The following EFCAB5 variants were observed in gnomAD, a reference collection of about 807,000 sequenced individuals.
EFCAB5 encodes EF-hand calcium binding domain 5, also known as EF-hand calcium-binding domain-containing protein 5.
In EFCAB5, 131 loss-of-function variants were observed where a neutral mutation model predicts 167.9. The observed-to-expected ratio is 0.78, with a 90% confidence interval of 0.68 to 0.90. EFCAB5 has a LOEUF of 0.90. EFCAB5 is among the 40% of genes least tolerant of loss of function. The pLI is 0.00. For synonymous variants in EFCAB5, 574 were observed against 602.8 expected (o/e 0.95, Z 0.70); for missense variants, 1,663 against 1,745.2 (o/e 0.95, Z 0.84).
chr17:30,030,704 C>T (rs2069458514), intron 7 of EFCAB5, among the ~76,000 whole-genome samples: 1 of 151,738 alleles, frequency 6.6e-6, no homozygotes, highest in South Asian at 2.1e-4. Context: ...GCTCTGTTGC[C>T]TGGGCTGGAG....
chr17:29,958,070 A>G (rs900978417), intron 3 of EFCAB5, among the ~76,000 whole-genome samples: 7 of 152,154 alleles, frequency 4.6e-5, no homozygotes, highest in African/African-American at 1.7e-4. Flanking sequence ...GTTTGCTAGT[A>G]TTTTGTGGAG....
At chr17:30,014,329 C>T (rs1029812745) in intron 7 of EFCAB5, among the ~76,000 whole-genome samples, 1 of 152,158 alleles carries the variant, frequency 6.6e-6, no homozygotes, top group Non-Finnish European at 1.5e-5. Context: ...CTGCTTAGTG[C>T]AGAGCTGAGT....
At chr17:30,041,383 T>C (rs1597714155) in intron 8 of EFCAB5, among the ~76,000 whole-genome samples, 1 of 152,316 alleles carries the variant, frequency 6.6e-6, no homozygotes, top group East Asian at 1.9e-4. Flanking sequence ...GCTGCAGATA[T>C]AGTGGAAATA....
intron 7 of EFCAB5, among the ~76,000 whole-genome samples, chr17:30,001,850 T>C (rs1222178074): frequency 1.3e-5 from 2 of 152,196 alleles, no homozygotes; most frequent in African/African-American, 2.4e-5. Flanking sequence ...ACATGCACTT[T>C]CTTGTGTAAT....
upstream of EFCAB5, among the ~76,000 whole-genome samples, chr17:29,936,778 C>T (rs751887127): frequency 1.8e-4 from 28 of 152,172 alleles, no homozygotes; most frequent in Non-Finnish European, 2.9e-4. Context: ...TCCTGCTCCT[C>T]GGATACAATC....
At chr17:29,964,135 A>G (rs1294699368) in intron 3 of EFCAB5, among the ~76,000 whole-genome samples, 1 of 151,426 alleles carries the variant, frequency 6.6e-6, no homozygotes. Context: ...TTTTTTTTTC[A>G]GGTATTTCTT....
chr17:29,935,760 G>T (rs934505410), intron 1 of EFCAB5, among the ~76,000 whole-genome samples: 4 of 151,556 alleles, frequency 2.6e-5, no homozygotes, highest in Non-Finnish European at 5.9e-5. Context: ...AGGAAGCAAA[G>T]GGAAAAATTT....
At chr17:30,106,592 G>C (rs1320037267) in intron 22 of EFCAB5, among the ~76,000 whole-genome samples, 1 of 152,060 alleles carries the variant, frequency 6.6e-6, no homozygotes. Flanking sequence ...AAGTAGCTGG[G>C]ATCACAGGTG....
Position 29,968,956 on chromosome 17 carries a change from T to C in EFCAB5, c.356T>C (p.Phe119Ser), listed in dbSNP as rs1456302203. Reference protein sequence around the residue: ...KPEHTWKKNLFERMEARAQAM... With the variant: ...KPEHTWKKNLSERMEARAQAM... ...GAGCACACATGGAAGAAAAACCTTT[T>C]TGAAAGAATGGAGGCAAGAGCCCAA... The change falls in exon 4 of 23, where the codon TTT (phenylalanine) becomes TCT (serine). Residue 119 changes from phenylalanine (F) to serine (S), a missense_variant. Phe to Ser is a radical substitution (Grantham distance 155). Coordinates refer to ENST00000394835, the MANE Select transcript of EFCAB5 (RefSeq NM_198529.4). 1 of 1,589,102 alleles carries C rather than the reference T, an allele frequency of 6.3e-7. No homozygotes were observed. The highest frequency in any genetic ancestry group is 1.8e-5 in the Admixed American group (1 of 55,602).
chr17:30,045,855 A>AAATT (rs2069913073), intron 8 of EFCAB5, among the ~76,000 whole-genome samples: 1 of 151,612 alleles, frequency 6.6e-6, no homozygotes, highest in Non-Finnish European at 1.5e-5. Flanking sequence ...ATAAATAAAT[A>AAATT]AATAAAATTA....
At position 30,068,711 on chromosome 17, in the gene EFCAB5, G is replaced by A. The variant is rs2070646705; in HGVS notation, c.2737+9010G>A. 8.4e-6 allele frequency: 13 copies of A among 1,543,200 alleles called. No homozygotes were observed. The South Asian group carries it at 1.0e-4, about 12-fold the overall frequency. On this transcript the variant is annotated intron_variant, in intron 14 of 22. Coordinates refer to ENST00000394835, the MANE Select transcript of EFCAB5 (RefSeq NM_198529.4). ...AACAAGGCACTGGGAGTGGCAGTGG[G>A]TGGCAGAGTCGATGGCAGCCGGGAT...
chr17:30,012,919 A>C (rs2068941538), intron 7 of EFCAB5, among the ~76,000 whole-genome samples: 1 of 152,348 alleles, frequency 6.6e-6, no homozygotes, highest in African/African-American at 2.4e-5. Flanking sequence ...TTGCCCATTC[A>C]GTATGATATT....
At chr17:29,994,135 T>A (rs1203547863) in intron 5 of EFCAB5, among the ~76,000 whole-genome samples, 1 of 26,022 alleles carries the variant, frequency 3.8e-5, no homozygotes, top group Non-Finnish European at 7.0e-5. Context: ...CAACAACAAA[T>A]ATATATATAT....
chr17:30,059,814 T>G (rs535611857), intron 14 of EFCAB5, 113 bp downstream of exon 14: 2 of 767,504 alleles, frequency 2.6e-6, no homozygotes, highest in East Asian at 3.0e-5. Context: ...AGATAACCCT[T>G]CATGTCTACC....
chr17:30,015,731 ATGTTCTTAT>A (rs1358327946), intron 7 of EFCAB5, among the ~76,000 whole-genome samples: 7 of 145,086 alleles, frequency 4.8e-5, no homozygotes, highest in Non-Finnish European at 1.1e-4. Context: ...GCACCTTTTC[ATGTTCTTAT>A]TGTTCTTATT....
At chr17:29,961,677 C>T (rs550830449) in intron 3 of EFCAB5, among the ~76,000 whole-genome samples, 13 of 152,126 alleles carry the variant, frequency 8.5e-5, no homozygotes, top group South Asian at 2.1e-4. Flanking sequence ...ACCTTGACCT[C>T]CTGGGCTGAA....
chr17:29,940,674 T>C (rs948839581), upstream of EFCAB5, among the ~76,000 whole-genome samples: 3 of 152,226 alleles, frequency 2.0e-5, no homozygotes, highest in African/African-American at 7.2e-5. Context: ...TATTTTTAAA[T>C]GTTGGAAACT....
At chr17:29,945,379 T>C (rs1229695240) in intron 3 of EFCAB5, among the ~76,000 whole-genome samples, 1 of 152,012 alleles carries the variant, frequency 6.6e-6, no homozygotes, top group Non-Finnish European at 1.5e-5. Context: ...TATTTACTAT[T>C]TCTTCCTAGT....
At chr17:30,023,811 C>A (rs545559692) in intron 7 of EFCAB5, among the ~76,000 whole-genome samples, 1 of 152,280 alleles carries the variant, frequency 6.6e-6, no homozygotes, top group African/African-American at 2.4e-5. Flanking sequence ...AATCCAGCAA[C>A]ACATCAAAAA....
Sources: gnomAD v4.1 joint callset for allele counts (sites outside exome capture counted in the v4.1 genomes callset) on GRCh38, gnomAD v4.1.1 for gene constraint, MANE v1.5 for transcripts, NCBI Gene and HGNC (gene_info 2026-07-23, HGNC 2026-07-21) for gene names.